The following RNPEP variants were observed in gnomAD, a reference collection of about 807,000 sequenced individuals.
The protein encoded by RNPEP is aminopeptidase B.
A neutral mutation model predicts 70.1 loss-of-function variants in RNPEP; 57 were observed. The observed-to-expected ratio is 0.81, with a 90% CI of 0.66 to 1.01. RNPEP has a LOEUF of 1.01. Among genes scored for constraint, RNPEP ranks in the 50% least tolerant of loss-of-function variants. The pLI, the probability that RNPEP is intolerant of heterozygous loss-of-function variation, is 0.00. For missense variants in RNPEP, 787 were observed against 852.4 expected, an observed-to-expected ratio of 0.92 and a Z score of 0.96; for synonymous variants, 335 against 357.4, an observed-to-expected ratio of 0.94 and a Z score of 0.71.
chr1:202,001,952 C>T (rs188732755), intron 8 of RNPEP, among the ~76,000 whole-genome samples, 185 bp downstream of exon 8: 1 of 152,200 alleles, frequency 6.6e-6, no homozygotes, highest in African/African-American at 2.4e-5. Context: ...TCACTCCTCT[C>T]TGCCTCATTT....
chr1:202,004,431 C>T lies in RNPEP; in HGVS notation c.1729C>T (p.Gln577Ter). The T allele has an allele frequency of 6.2e-7, 1 of 1,614,122 alleles. No individual in the cohort carries two copies. The highest frequency in any genetic ancestry group is 8.5e-7 in the Non-Finnish European group (1 of 1,180,036). The change falls in exon 10 of 11, where the codon CAA becomes TAA. Residue 577 changes from glutamine (Q) to a stop codon, truncating the protein, a stop_gained. Coordinates refer to ENST00000295640, the MANE Select transcript of RNPEP (RefSeq NM_020216.4). LOFTEE classifies it high-confidence loss of function. The part of the protein sequence containing the change: ...RNAELRLRWG[Q>*]IVLKNDHQED... Reference sequence around the variant, plus strand: ...TGCAGAGCTCCGGCTGCGATGGGGCCAAATCGTCCTTAAGAACGACCACCA... The same window carrying T: ...TGCAGAGCTCCGGCTGCGATGGGGCTAAATCGTCCTTAAGAACGACCACCA...
Position 202,003,416 on chromosome 1 carries a change from G to T in RNPEP, c.1606G>T (p.Val536Phe), listed in dbSNP as rs1414179436. Residue 536 changes from valine to phenylalanine, a missense_variant, in exon 9 of 11, where the codon GTC (valine) becomes TTC (phenylalanine). Coordinates refer to ENST00000295640, the MANE Select transcript of RNPEP (RefSeq NM_020216.4). The stretch of plus-strand genomic sequence containing the variant: ...CTCTCCCTGGAAGACCTACCAGCTG[G>T]TCTACTTCCTGGATAAGATCCTCCA... The part of the protein sequence containing the change: ...AISPWKTYQL[V>F]YFLDKILQKS... The T allele has an allele frequency of 1.2e-6, 2 of 1,614,086 alleles. No homozygotes were observed. Among genetic ancestry groups the T allele is most frequent in the South Asian group, 1.1e-5 (1 of 91,066 alleles).
Position 201,989,016 on chromosome 1 carries a change from T to TTAAA in RNPEP, c.563_566dup (p.Tyr189Ter). ...TTCCCTTGCTTCGACACGCCTGCTG[T>TTAAA]TAAATACAAGTATTCAGCTCTTATT... On this transcript the variant is annotated frameshift_variant, in exon 2 of 11. Coordinates refer to ENST00000295640, the MANE Select transcript of RNPEP (RefSeq NM_020216.4). LOFTEE classifies it high-confidence loss of function. The TTAAA allele has an allele frequency of 6.2e-7, 1 of 1,614,190 alleles. No homozygotes were observed. Among genetic ancestry groups the TTAAA allele is most frequent in the Non-Finnish European group, 8.5e-7 (1 of 1,180,022 alleles).
At chr1:201,997,210 G>A (rs1371630328) in intron 4 of RNPEP, 109 bp from the exon 5 acceptor site, 3 of 818,604 alleles carry the variant, frequency 3.7e-6, no homozygotes, top group South Asian at 1.5e-5. Flanking sequence ...TACTCTGCCT[G>A]TTTAGTGACT....
intron 5 of RNPEP, among the ~76,000 whole-genome samples, chr1:201,998,821 C>T (rs1349550124): frequency 1.3e-5 from 2 of 152,168 alleles, no homozygotes; most frequent in Admixed American, 6.5e-5. Flanking sequence ...CCCACCCCTC[C>T]ACTGTTCCCT....
At chr1:201,998,230 C>CTTTTTTT (rs34549362) in intron 5 of RNPEP, among the ~76,000 whole-genome samples, 1 of 116,680 alleles carries the variant, frequency 8.6e-6, no homozygotes, top group Non-Finnish European at 1.7e-5. Context: ...TGGGTCTGAA[C>CTTTTTTT]TTTTTTTTTT....
chr1:201,996,568 A>C (rs1683564908), intron 4 of RNPEP, among the ~76,000 whole-genome samples: 1 of 150,910 alleles, frequency 6.6e-6, no homozygotes. Context: ...ATCTCAGCTC[A>C]CTGCAACCTC....
At position 202,005,764 on chromosome 1, in the gene RNPEP, G is replaced by C. The variant is rs760328305; in HGVS notation, c.*48G>C. On this transcript the variant is annotated 3_prime_UTR_variant, in exon 11 of 11. Coordinates refer to ENST00000295640, the MANE Select transcript of RNPEP (RefSeq NM_020216.4). ...CCTCTTCAGGCTCTCCAGGCTTTCA[G>C]AATAATTGTTTGTTCCCAAATTCCT... is the stretch of plus-strand genomic sequence containing the variant. 2 of 1,599,734 alleles carry C rather than the reference G, an allele frequency of 1.3e-6. No individual in the cohort carries two copies. The highest frequency in any genetic ancestry group is 1.7e-6 in the Non-Finnish European group (2 of 1,168,196).
chr1:201,996,054 G>T, intron 3 of RNPEP, 93 bp from the exon 4 acceptor site: 1 of 928,430 alleles, frequency 1.1e-6, no homozygotes, highest in Non-Finnish European at 1.7e-6. Flanking sequence ...ACATTCACTT[G>T]GCGGAGGCCA....
At chr1:201,996,095 A>C (rs1285892480) in intron 3 of RNPEP, 52 bp from the exon 4 acceptor site, 1 of 1,436,154 alleles carries the variant, frequency 7.0e-7, no homozygotes, top group Non-Finnish European at 9.8e-7. Context: ...GGATCAGGTC[A>C]CTGCGATGGT....
At chr1:201,993,717 T>G (rs1683430489) in intron 3 of RNPEP, among the ~76,000 whole-genome samples, 1 of 152,092 alleles carries the variant, frequency 6.6e-6, no homozygotes, top group African/African-American at 2.4e-5. Context: ...AGGTGGAGCT[T>G]GCAGTGAGCC....
chr1:201,995,897 A>T lies in RNPEP; in HGVS notation c.738-250A>T, dbSNP rs1039998720. 9.0e-6 allele frequency: 4 copies of T among 445,324 alleles called. No individual in the cohort carries two copies. In the Admixed American group the frequency reaches 1.2e-4, roughly 13 times the overall value. 27.6% of individuals were successfully genotyped at this position (445,324 alleles called of 1,614,324 possible). On this transcript the variant is annotated intron_variant, in intron 3 of 10. Coordinates refer to ENST00000295640, the MANE Select transcript of RNPEP (RefSeq NM_020216.4). ...GGTTAAATCACTTTTGCAAGATCGC[A>T]TTCAGTAGTGAAGCCATAACTGCGT...
intron 3 of RNPEP, among the ~76,000 whole-genome samples, chr1:201,993,258 C>G (rs575738940): frequency 6.6e-6 from 1 of 152,264 alleles, no homozygotes; most frequent in South Asian, 2.1e-4. Flanking sequence ...GCAGCCTCCC[C>G]CTCTAGACAA....
intron 1 of RNPEP, among the ~76,000 whole-genome samples, chr1:201,985,132 G>T (rs1323763246): frequency 1.3e-5 from 2 of 151,030 alleles, no homozygotes; most frequent in Non-Finnish European, 2.9e-5. Flanking sequence ...CACAGAGGTT[G>T]CAGTGAGCTG....
intron 1 of RNPEP, among the ~76,000 whole-genome samples, chr1:201,985,912 G>A (rs66898738): frequency 0.085 from 12,995 of 152,112 alleles, 725 homozygotes; most frequent in Middle Eastern, 0.17. Flanking sequence ...CCTTGTTTTT[G>A]ATATAACTTT....
At chr1:201,997,607 G>T in intron 5 of RNPEP, 53 bp downstream of exon 5, 1 of 1,402,752 alleles carries the variant, frequency 7.1e-7, no homozygotes, top group African/African-American at 1.4e-5. Context: ...TTAACCTGTG[G>T]GGCCAGTGTG....
intron 1 of RNPEP, among the ~76,000 whole-genome samples, chr1:201,987,970 G>A (rs961585253): frequency 3.3e-5 from 5 of 150,506 alleles, no homozygotes; most frequent in Non-Finnish European, 5.9e-5. Flanking sequence ...ATGAAACCCC[G>A]TCTCTACTAA....
chr1:202,001,792 G>C lies in RNPEP; in HGVS notation c.1426+25G>C, dbSNP rs376835912. On this transcript the variant is annotated intron_variant, in intron 8 of 10. Transcript: ENST00000295640. ...GGTAAGCAGAGGAACTGGCCCACAG[G>C]CTTCTAAAAAATAGTAGAGAATGAG... 1.1e-4 allele frequency: 155 copies of C among 1,362,728 alleles called. No individual in the cohort carries two copies. The African/African-American group carries it at 1.7e-3, about 15-fold the overall frequency. 84.4% of individuals were successfully genotyped at this position (1,362,728 alleles called of 1,614,324 possible). A position where few individuals can be genotyped will look rare whatever the true frequency, so the allele number is the denominator to read the frequency against.
In RNPEP at chr1:201,989,545, A is replaced by AC. The variant is rs1197434759; in HGVS notation, c.737+18dup. The AC allele has an allele frequency of 6.2e-7, 1 of 1,613,794 alleles. No individual in the cohort carries two copies. The highest frequency in any genetic ancestry group is 2.2e-5 in the East Asian group (1 of 44,874). ...AGTTGGACCCAGGTAGGAGACAAAG[A>AC]CCCCACAGGCAAGGTTGGATTGGCC... On this transcript the variant is annotated intron_variant, in intron 3 of 10. Transcript: ENST00000295640.
Sources: gnomAD v4.1 joint callset for allele counts (sites outside exome capture counted in the v4.1 genomes callset) on GRCh38, gnomAD v4.1.1 for gene constraint, MANE v1.5 for transcripts, NCBI Gene and HGNC (gene_info 2026-07-23, HGNC 2026-07-21) for gene names.